The following CAPZB variants were observed in gnomAD, a reference collection of about 807,000 sequenced individuals.
CAPZB encodes the protein F-actin-capping protein subunit beta.
A neutral mutation model predicts 38.1 loss-of-function variants in CAPZB; 2 were observed. The ratio of observed to expected loss-of-function variants is 0.05; its 90% CI spans 0.02 to 0.17. CAPZB has a LOEUF of 0.17. Ranked by LOEUF, CAPZB falls within the 10% of genes least tolerant of loss-of-function variation. CAPZB has a pLI of 1.00. For missense variants in CAPZB, 161 were observed against 334.2 expected (o/e 0.48, Z 4.04); for synonymous variants, 107 against 127.4 (o/e 0.84, Z 1.08).
intron 1 of CAPZB, chr1:19,448,900 G>A: frequency 6.2e-7 from 1 of 1,612,896 alleles, no homozygotes; most frequent in Non-Finnish European, 8.5e-7. Context: ...CTGTATCCTG[G>A]AACTGCCTGG....
chr1:19,360,905 G>A (rs1168705288), intron 4 of CAPZB, among the ~76,000 whole-genome samples: 1 of 152,110 alleles, frequency 6.6e-6, no homozygotes, highest in African/African-American at 2.4e-5. Flanking sequence ...CTTACTGCAG[G>A]AACATTATTG....
At chr1:19,352,251 T>C (rs2093995559) in intron 6 of CAPZB, among the ~76,000 whole-genome samples, 1 of 152,238 alleles carries the variant, frequency 6.6e-6, no homozygotes, top group East Asian at 1.9e-4. Context: ...GTGCCTCTAC[T>C]GGGGATTTAC....
intron 4 of CAPZB, among the ~76,000 whole-genome samples, chr1:19,362,853 G>A (rs922403921): frequency 6.6e-6 from 1 of 152,132 alleles, no homozygotes; most frequent in Non-Finnish European, 1.5e-5. Flanking sequence ...TGCAAAGACT[G>A]CAGAGAAGTC....
chr1:19,427,898 G>C (rs2094428886), intron 1 of CAPZB, among the ~76,000 whole-genome samples: 1 of 152,064 alleles, frequency 6.6e-6, no homozygotes, highest in African/African-American at 2.4e-5. Flanking sequence ...TTTAAATTGA[G>C]GTTTTTTTGT....
intron 1 of CAPZB, among the ~76,000 whole-genome samples, chr1:19,474,008 T>A (rs1394073114): frequency 6.6e-6 from 1 of 152,142 alleles, no homozygotes; most frequent in African/African-American, 2.4e-5. Flanking sequence ...ATTCTTTTTT[T>A]TTTTTGAGAC....
At chr1:19,398,042 G>A (rs946898466) in intron 2 of CAPZB, among the ~76,000 whole-genome samples, 2 of 152,156 alleles carry the variant, frequency 1.3e-5, no homozygotes, top group African/African-American at 4.8e-5. Flanking sequence ...GCAGAAACGA[G>A]ACACCTGAGG....
intron 1 of CAPZB, among the ~76,000 whole-genome samples, chr1:19,436,317 C>T (rs2094458012): frequency 6.6e-6 from 1 of 152,174 alleles, no homozygotes. Flanking sequence ...CACTCAGGAG[C>T]CAGCTCGGTT....
chr1:19,342,447 T>C (rs1031876026), intron 8 of CAPZB, among the ~76,000 whole-genome samples: 5 of 152,216 alleles, frequency 3.3e-5, no homozygotes, highest in African/African-American at 1.2e-4. Flanking sequence ...TGCACACAAG[T>C]GGCTGCTGCT....
At position 19,356,980 on chromosome 1, in the gene CAPZB, G is replaced by A. The variant is rs1364783756; in HGVS notation, c.472-229C>T. On this transcript the variant is annotated intron_variant, in intron 5 of 8. Coordinates refer to ENST00000264202, the MANE Select transcript of CAPZB (RefSeq NM_004930.5). This position sits in a 1 kb window ranked among gnomAD's most constrained non-coding sequence, Gnocchi z 4.3. ...AGGTTCAAGCGATTCTCCTGCCTCA[G>A]CCTCCCAAGTAGCTGGGATTATGGG... Among the ~76,000 whole-genome samples, 3 of 152,002 alleles carry A rather than the reference G, an allele frequency of 2.0e-5. No homozygotes were observed. Among genetic ancestry groups the A allele is most frequent in the Non-Finnish European group, 4.4e-5 (3 of 68,000 alleles).
intron 2 of CAPZB, among the ~76,000 whole-genome samples, chr1:19,400,545 G>A (rs1318373418): frequency 1.3e-5 from 2 of 152,214 alleles, no homozygotes; most frequent in Non-Finnish European, 2.9e-5. Flanking sequence ...TCTGAGGAGG[G>A]AGTTGTTGTC....
intron 2 of CAPZB, among the ~76,000 whole-genome samples, chr1:19,418,360 G>A (rs757244922): frequency 1.3e-5 from 2 of 152,040 alleles, no homozygotes; most frequent in South Asian, 4.1e-4. Context: ...TTCCTCACTC[G>A]CTGGCTCCTG....
chr1:19,366,438 C>T (rs138068541), intron 4 of CAPZB, among the ~76,000 whole-genome samples: 2,652 of 151,660 alleles, frequency 0.017, 75 homozygotes, highest in African/African-American at 0.06. Context: ...CCTATAATCC[C>T]GGCACTTTGG....
chr1:19,366,305 T>TATATATATATATAA (rs1396564571), intron 4 of CAPZB, among the ~76,000 whole-genome samples: 4 of 97,600 alleles, frequency 4.1e-5, no homozygotes, highest in African/African-American at 1.9e-4. Flanking sequence ...TATATATATA[T>TATATATATATATAA]ATATAAATAA....
intron 2 of CAPZB, among the ~76,000 whole-genome samples, chr1:19,398,048 T>C (rs564774663): frequency 6.6e-4 from 100 of 152,206 alleles, no homozygotes; most frequent in African/African-American, 2.3e-3. Flanking sequence ...ACGAGACACC[T>C]GAGGCAGAAA....
Position 19,419,726 on chromosome 1 carries a change from A to G in CAPZB, c.28T>C (p.Leu10=). The G allele has an allele frequency of 6.3e-7, 1 of 1,590,638 alleles. No individual in the cohort carries two copies. Among genetic ancestry groups the G allele is most frequent in the South Asian group, 1.1e-5 (1 of 87,638 alleles). The change falls in exon 2 of 9, where the codon TTG becomes CTG. Residue 10 remains leucine, a synonymous_variant. Transcript: ENST00000264202. MSDQQLDCA[L]DLMRRLPPQQ... is the part of the protein sequence containing the mutation. ...GGAGGCAGGCGCCTCATTAGGTCCA[A>G]GGCACAGTCCAGCTGCTGATCACTC... is the stretch of plus-strand genomic sequence containing the variant.
chr1:19,385,281 T>C (rs1319297026), intron 3 of CAPZB, among the ~76,000 whole-genome samples: 1 of 152,106 alleles, frequency 6.6e-6, no homozygotes, highest in Non-Finnish European at 1.5e-5. Flanking sequence ...TGCTTGTGGG[T>C]GGCACTCTTC....
At chr1:19,437,678 G>A (rs2094462593) in intron 1 of CAPZB, among the ~76,000 whole-genome samples, 1 of 152,078 alleles carries the variant, frequency 6.6e-6, no homozygotes, top group South Asian at 2.1e-4. Flanking sequence ...GTATTCCAAA[G>A]CTAGGAACAC....
intron 6 of CAPZB, among the ~76,000 whole-genome samples, chr1:19,353,955 C>CAGAGTCCTGTCTACACTGAGCT (rs2094006135): frequency 6.6e-6 from 1 of 152,228 alleles, no homozygotes; most frequent in African/African-American, 2.4e-5. Flanking sequence ...GCTGCTGAGA[C>CAGAGTCCTGTCTACACTGAGCT]AGAGTCCTGT....
At chr1:19,374,574 T>C (rs1393731620) in intron 4 of CAPZB, 2 of 152,328 alleles carry the variant, frequency 1.3e-5, no homozygotes, top group Non-Finnish European at 2.9e-5. Context: ...GCTGCACCTG[T>C]GCAGCCCTCC....
Sources: allele counts gnomAD v4.1 joint callset (sites outside exome capture counted in the v4.1 genomes callset), GRCh38; gene constraint gnomAD v4.1.1; non-coding constraint Gnocchi (gnomAD v3.1); transcripts MANE v1.5; gene names NCBI Gene and HGNC (gene_info 2026-07-23, HGNC 2026-07-21).